The following MRPL14 variants were observed in gnomAD, a reference collection of about 807,000 sequenced individuals.
MRPL14 encodes the protein large ribosomal subunit protein uL14m.
A neutral mutation model predicts 10.9 loss-of-function variants in MRPL14; 8 were observed. The observed-to-expected ratio is 0.74, with a 90% CI of 0.43 to 1.33. MRPL14 has a LOEUF of 1.33. Among genes scored for constraint, MRPL14 ranks in the 40% most tolerant of loss-of-function variants. The pLI is 0.01. For missense variants in MRPL14, 179 were observed against 194.5 expected (o/e 0.92, Z 0.47); for synonymous variants, 82 against 74.1 (o/e 1.11, Z -0.54).
chr6:44,119,037 T>C (rs959509567), intron 1 of MRPL14, among the ~76,000 whole-genome samples: 1 of 152,182 alleles, frequency 6.6e-6, no homozygotes, highest in Non-Finnish European at 1.5e-5. Context: ...CTCATTGTTA[T>C]ACACAAGGAA....
intron 1 of MRPL14, among the ~76,000 whole-genome samples, chr6:44,117,096 T>C (rs2128194335): frequency 6.6e-6 from 1 of 152,350 alleles, no homozygotes; most frequent in East Asian, 1.9e-4. Flanking sequence ...CCAAGTTGTC[T>C]ATCACTACAT....
At chr6:44,121,489 T>A (rs1344787080) in intron 1 of MRPL14, among the ~76,000 whole-genome samples, 1 of 152,196 alleles carries the variant, frequency 6.6e-6, no homozygotes, top group Non-Finnish European at 1.5e-5. Flanking sequence ...TGGATTTCAA[T>A]GGAATATGGG....
At chr6:44,122,306 A>C (rs1305836942) in intron 1 of MRPL14, among the ~76,000 whole-genome samples, 1 of 151,960 alleles carries the variant, frequency 6.6e-6, no homozygotes, top group Admixed American at 6.6e-5. Flanking sequence ...GATGGTCTCG[A>C]TCTCCTGACC....
At chr6:44,114,313 C>T in intron 2 of MRPL14, 104 bp from the exon 3 acceptor site, 1 of 1,359,196 alleles carries the variant, frequency 7.4e-7, no homozygotes, top group Non-Finnish European at 1.0e-6. Context: ...GTCAGCAACA[C>T]ACACAGAGCA....
At position 44,113,858 on chromosome 6, in the gene MRPL14, A is replaced by G. The variant is rs1302086412; in HGVS notation, c.423T>C (p.Ala141=). ...EGEYSKVLAI[A]QNFV ...TGGGCTCAACTCACACAAAGTTCTG[A>G]GCAATGGCCAGCACCTTGGAATACT... Residue 141 remains alanine (A), a synonymous_variant, in exon 3 of 3, where the codon GCT becomes GCC. Transcript: ENST00000372014. 6.4e-7 allele frequency: 1 copy of G among 1,567,752 alleles called. No individual in the cohort carries two copies.
chr6:44,122,278 T>A (rs1308062338), intron 1 of MRPL14, among the ~76,000 whole-genome samples: 8 of 151,952 alleles, frequency 5.3e-5, no homozygotes, highest in Admixed American at 5.2e-4. Flanking sequence ...GAGACGGGGG[T>A]TTCACTGTGT....
intron 1 of MRPL14, among the ~76,000 whole-genome samples, chr6:44,117,488 T>C (rs1775961440): frequency 6.6e-6 from 1 of 152,150 alleles, no homozygotes; most frequent in Admixed American, 6.5e-5. Context: ...ACCCAAACGT[T>C]TGGCAGCAGA....
chr6:44,123,998 C>A (rs551869855), intron 1 of MRPL14, among the ~76,000 whole-genome samples: 37 of 152,310 alleles, frequency 2.4e-4, no homozygotes, highest in African/African-American at 8.7e-4. Flanking sequence ...CCCTACCTCA[C>A]AAGTGTACAA....
rs1775559623 is a variant in MRPL14 at position 44,113,736 on chromosome 6, C to A, written c.*107G>T. The A allele has an allele frequency of 8.7e-7, 1 of 1,143,568 alleles. No homozygotes were observed. Among genetic ancestry groups the A allele is most frequent in the South Asian group, 1.7e-5 (1 of 60,260 alleles). The allele number at this position is 1,143,568 out of a possible 1,614,324, so 70.8% of individuals were successfully genotyped here. ...TCTCTCACAGGATACTACACTGTTA[C>A]CCAGTGTGAAGGGAGCAGCCATGTG... On this transcript the variant is annotated 3_prime_UTR_variant, in exon 3 of 3. Transcript: ENST00000372014.
chr6:44,114,140 C>T lies in MRPL14; in HGVS notation c.141G>A (p.Gly47=), dbSNP rs1225312549. Residue 47 remains glycine (G), a synonymous_variant, in exon 3 of 3, where the codon GGG becomes GGA. Coordinates refer to ENST00000372014, the MANE Select transcript of MRPL14 (RefSeq NM_032111.4). The part of the protein sequence containing the change: ...RVRVVDNSAL[G]NSPYHRAPRC... ...GAGGAGCCCGATGGTATGGGCTGTT[C>T]CCCAGGGCACTGTTGTCCACCACTC... 21 of 1,614,132 alleles carry T rather than the reference C, an allele frequency of 1.3e-5. No homozygotes were observed. Among genetic ancestry groups the T allele is most frequent in the Non-Finnish European group, 1.7e-5 (20 of 1,180,028 alleles).
chr6:44,124,824 C>A (rs1244879170), intron 1 of MRPL14, among the ~76,000 whole-genome samples: 3 of 152,160 alleles, frequency 2.0e-5, no homozygotes, highest in Non-Finnish European at 4.4e-5. Context: ...ACAACCCAGA[C>A]AAACCATGAG....
intron 1 of MRPL14, among the ~76,000 whole-genome samples, chr6:44,124,567 T>C (rs1039666371): frequency 2.6e-5 from 4 of 152,260 alleles, no homozygotes; most frequent in African/African-American, 9.6e-5. Flanking sequence ...GTTTTCAGTT[T>C]AGAGTGGACA....
intron 1 of MRPL14, among the ~76,000 whole-genome samples, chr6:44,123,560 TAAGTA>T (rs1776651571): frequency 1.3e-5 from 2 of 152,216 alleles, no homozygotes; most frequent in African/African-American, 2.4e-5. Context: ...GCACTATCAA[TAAGTA>T]AAGTATCCCT....
Position 44,113,534 on chromosome 6 carries a change from T to C in MRPL14, c.*309A>G, listed in dbSNP as rs1271782920. On this transcript the variant is annotated 3_prime_UTR_variant, in exon 3 of 3. Transcript: ENST00000372014. ...CAGGGCCTGACAGTCCTGGATGAAC[T>C]TATAGGGTCCAAACCAGAAAAGCAA... The C allele has an allele frequency of 4.1e-5, 10 of 241,398 alleles. No homozygotes were observed. The highest frequency in any genetic ancestry group is 3.2e-4 in the South Asian group (2 of 6,168). 15.0% of individuals were successfully genotyped at this position (241,398 alleles called of 1,614,324 possible).
In MRPL14 at chr6:44,115,034, C is replaced by G. The variant is rs547362096; in HGVS notation, c.72-825G>C. On this transcript the variant is annotated intron_variant, in intron 2 of 2. Transcript: ENST00000372014. ...AAGGTAACAATCTTCTGTTTTAATA[C>G]ATTTTTTCTCATTAGAAAAAAAAAT... is the stretch of plus-strand genomic sequence containing the variant. Among the ~76,000 whole-genome samples the G allele has an allele frequency of 2.2e-4, 33 of 152,248 alleles. 1 individual carries two copies. Among genetic ancestry groups the G allele is most frequent in the African/African-American group, 7.5e-4 (31 of 41,524 alleles).
chr6:44,126,252 G>T (rs940701227), intron 1 of MRPL14, among the ~76,000 whole-genome samples: 1 of 152,200 alleles, frequency 6.6e-6, no homozygotes, highest in Admixed American at 6.5e-5. Flanking sequence ...GTGTACACCT[G>T]AAGTGTCAAG....
intron 1 of MRPL14, among the ~76,000 whole-genome samples, chr6:44,123,622 C>T (rs1776656853): frequency 6.6e-6 from 1 of 152,158 alleles, no homozygotes; most frequent in African/African-American, 2.4e-5. Flanking sequence ...CTTAGAAAAC[C>T]CCATTTCTCA....
chr6:44,122,790 C>T (rs73733834), intron 1 of MRPL14, among the ~76,000 whole-genome samples: 21,301 of 152,118 alleles, frequency 0.14, 1,617 homozygotes, highest in Admixed American at 0.2. Flanking sequence ...ATATAAATGT[C>T]CTTCTTAATC....
intron 1 of MRPL14, among the ~76,000 whole-genome samples, chr6:44,121,346 A>G (rs1284844761): frequency 8.3e-6 from 1 of 120,000 alleles, no homozygotes; most frequent in African/African-American, 3.2e-5. Context: ...CTCCTTAAAA[A>G]GAGCTGGGGT....
Sources: gnomAD v4.1 joint callset for allele counts (sites outside exome capture counted in the v4.1 genomes callset) on GRCh38, gnomAD v4.1.1 for gene constraint, MANE v1.5 for transcripts, NCBI Gene and HGNC (gene_info 2026-07-23, HGNC 2026-07-21) for gene names.